Variants in SLC38A4 observed in about 807,000 individuals in gnomAD.
SLC38A4 encodes sodium-coupled neutral amino acid transporter 4.
SLC38A4 carries 20 observed loss-of-function variants against 63.1 expected under a neutral mutation model. The observed-to-expected ratio is 0.32, with a 90% CI of 0.22 to 0.46. The LOEUF (loss-of-function observed/expected upper bound fraction) is 0.46. SLC38A4 is among the 20% of genes least tolerant of loss of function. The pLI, the probability that SLC38A4 is intolerant of heterozygous loss-of-function variation, is 1.00. For missense variants in SLC38A4, 526 were observed against 663.6 expected (o/e 0.79, Z 2.28); for synonymous variants, 230 against 225.5 (o/e 1.02, Z -0.18).
At chr12:46,771,655 C>G (rs1382985400) in intron 14 of SLC38A4, among the ~76,000 whole-genome samples, 2 of 151,994 alleles carry the variant, frequency 1.3e-5, no homozygotes, top group Non-Finnish European at 1.5e-5. Flanking sequence ...CTGAAGAGAG[C>G]AACAGAGCAA....
At chr12:46,813,053 C>A (rs1939371462) in intron 1 of SLC38A4, among the ~76,000 whole-genome samples, 1 of 151,670 alleles carries the variant, frequency 6.6e-6, no homozygotes, top group South Asian at 2.1e-4. Context: ...TATTATGCAC[C>A]CAGAATGGTT....
intron 14 of SLC38A4, among the ~76,000 whole-genome samples, chr12:46,769,683 A>G (rs542543553): frequency 6.6e-6 from 1 of 152,132 alleles, no homozygotes; most frequent in Non-Finnish European, 1.5e-5. Context: ...CATATAAGAC[A>G]GTGATACCCT....
chr12:46,790,965 T>C (rs1261820330), intron 3 of SLC38A4, among the ~76,000 whole-genome samples: 2 of 152,148 alleles, frequency 1.3e-5, no homozygotes, highest in East Asian at 3.8e-4. Context: ...AGCCAGGAGA[T>C]AAAAGGTAAG....
intron 2 of SLC38A4, among the ~76,000 whole-genome samples, chr12:46,797,146 C>A (rs1222282405): frequency 1.3e-5 from 2 of 152,098 alleles, no homozygotes; most frequent in African/African-American, 4.8e-5. Flanking sequence ...AGTCCACTCC[C>A]AAGACTTCAT....
At chr12:46,784,333 G>C (rs1938713438) in intron 7 of SLC38A4, among the ~76,000 whole-genome samples, 1 of 151,882 alleles carries the variant, frequency 6.6e-6, no homozygotes, top group South Asian at 2.1e-4. Flanking sequence ...CAATTGGCAG[G>C]GTTTTATATG....
intron 4 of SLC38A4, 50 bp from the exon 5 acceptor site, chr12:46,788,081 C>G (rs1446965259): frequency 7.4e-7 from 1 of 1,359,008 alleles, no homozygotes; most frequent in Admixed American, 1.7e-5. Context: ...AAAGGGCATA[C>G]CTTTAGGGGT....
At chr12:46,811,956 A>G (rs180719285) in intron 1 of SLC38A4, among the ~76,000 whole-genome samples, 38 of 152,132 alleles carry the variant, frequency 2.5e-4, no homozygotes, top group Non-Finnish European at 4.3e-4. Flanking sequence ...TAGATATTTG[A>G]AGTTGATTTT....
intron 4 of SLC38A4, 127 bp downstream of exon 4, chr12:46,788,399 AGC>A: frequency 1.4e-6 from 1 of 708,820 alleles, no homozygotes; most frequent in Non-Finnish European, 2.4e-6. Context: ...TTCCAGTAAG[AGC>A]CTGAATAAAC....
chr12:46,787,903 T>C lies in SLC38A4; in HGVS notation c.326+13A>G. The C allele has an allele frequency of 3.2e-6, 5 of 1,585,894 alleles. No individual in the cohort carries two copies. Among genetic ancestry groups the C allele is most frequent in the South Asian group, 2.2e-5 (2 of 89,990 alleles). ...GACTTCATCACCAAATGTAGACATATACATTCACTTACATAAAAAGTATGA... is the reference window on the plus strand; with the variant it reads ...GACTTCATCACCAAATGTAGACATACACATTCACTTACATAAAAAGTATGA... On this transcript the variant is annotated intron_variant, in intron 5 of 16. Transcript: ENST00000266579.
intron 1 of SLC38A4, among the ~76,000 whole-genome samples, chr12:46,814,592 C>T (rs1221940228): frequency 6.6e-6 from 1 of 151,918 alleles, no homozygotes; most frequent in African/African-American, 2.4e-5. Flanking sequence ...CACACTGTAC[C>T]ATTTGATGTT....
intron 1 of SLC38A4, among the ~76,000 whole-genome samples, chr12:46,815,439 T>C (rs1939425057): frequency 6.6e-6 from 1 of 151,450 alleles, no homozygotes; most frequent in African/African-American, 2.4e-5. Context: ...CTTTCTTCCT[T>C]TTTTATTTTT....
At chr12:46,824,419 A>G (rs1187510272) in intron 1 of SLC38A4, 1 of 152,212 alleles carries the variant, frequency 6.6e-6, no homozygotes, top group African/African-American at 2.4e-5. Flanking sequence ...GAAAATAAAA[A>G]TATTCACATT....
At chr12:46,779,480 C>T (rs1938595836) in intron 10 of SLC38A4, 131 bp downstream of exon 10, 8 of 756,730 alleles carry the variant, frequency 1.1e-5, no homozygotes, top group Non-Finnish European at 1.7e-5. Context: ...AATTAGTCTA[C>T]AAGAAAATCA....
rs1294382241 is a variant in SLC38A4, at chr12:46,778,487, G to A, written c.993+14C>T. On this transcript the variant is annotated intron_variant, in intron 11 of 16. Coordinates refer to ENST00000266579, the MANE Select transcript of SLC38A4 (RefSeq NM_018018.5). Reference sequence around the variant, plus strand: ...CATAACTGTACTCATTAGAAGCCCGGACCGCTCACTTACCCGGGAGTTGAA... The same window carrying A: ...CATAACTGTACTCATTAGAAGCCCGAACCGCTCACTTACCCGGGAGTTGAA... 1.2e-6 allele frequency: 2 copies of A among 1,610,310 alleles called. No individual in the cohort carries two copies. Among genetic ancestry groups the A allele is most frequent in the South Asian group, 1.1e-5 (1 of 90,974 alleles).
chr12:46,779,200 T>C (rs935982799), intron 10 of SLC38A4, among the ~76,000 whole-genome samples: 8 of 151,952 alleles, frequency 5.3e-5, no homozygotes, highest in African/African-American at 1.7e-4. Flanking sequence ...GAGGAGGATT[T>C]CTTCTTTAAT....
At chr12:46,773,295 G>A (rs180412) in intron 14 of SLC38A4, among the ~76,000 whole-genome samples, 97,246 of 151,910 alleles carry the variant, frequency 0.64, 33,302 homozygotes, top group Middle Eastern at 0.81. Flanking sequence ...CAAGCACGAC[G>A]GAGCTCACCC....
At chr12:46,775,230 CT>C in intron 13 of SLC38A4, 57 bp from the exon 14 acceptor site, 1 of 1,567,252 alleles carries the variant, frequency 6.4e-7, no homozygotes. Context: ...GCACAGGTCA[CT>C]TATGGCAACA....
chr12:46,806,754 A>G (rs986084818), intron 1 of SLC38A4, among the ~76,000 whole-genome samples: 6 of 152,026 alleles, frequency 3.9e-5, no homozygotes, highest in African/African-American at 1.4e-4. Context: ...TCATCAATCT[A>G]TGACTATCAC....
At chr12:46,769,766 G>A (rs575814578) in intron 14 of SLC38A4, among the ~76,000 whole-genome samples, 1 of 152,006 alleles carries the variant, frequency 6.6e-6, no homozygotes, top group Non-Finnish European at 1.5e-5. Flanking sequence ...TTATGTTACA[G>A]GTACCTCCAC....
Sources: allele counts gnomAD v4.1 joint callset (sites outside exome capture counted in the v4.1 genomes callset), GRCh38; gene constraint gnomAD v4.1.1; transcripts MANE v1.5; gene names NCBI Gene and HGNC (gene_info 2026-07-23, HGNC 2026-07-21).